Variants in PRKAA1 observed in about 807,000 individuals in gnomAD.
PRKAA1 encodes the protein 5'-AMP-activated protein kinase catalytic subunit alpha-1.
In PRKAA1, 23 loss-of-function variants were observed where a neutral mutation model predicts 56.9. That is an observed-to-expected ratio of 0.40 (90% CI 0.29 to 0.57). The LOEUF (loss-of-function observed/expected upper bound fraction) is 0.57, where lower values mean the gene tolerates loss of function less well. PRKAA1 is among the 20% of genes least tolerant of loss of function. The pLI is 0.39. For missense variants in PRKAA1, 413 were observed against 679.7 expected (o/e 0.61, Z 4.36); for synonymous variants, 226 against 227.0 (o/e 1.00, Z 0.04).
chr5:40,785,843 G>GAT (rs1226341843), intron 1 of PRKAA1, among the ~76,000 whole-genome samples: 33 of 15,190 alleles, frequency 2.2e-3, no homozygotes, highest in African/African-American at 5.7e-3. Context: ...CACACACAGA[G>GAT]AGAGAGAGAG....
At position 40,790,444 on chromosome 5, in the gene PRKAA1, CTA is replaced by C. The variant is rs145968411; in HGVS notation, c.127+7617_127+7618del. The stretch of plus-strand genomic sequence containing the variant: ...CAGGATAGGGCTTTTTGCTCCCAGC[CTA>C]TAGTGTTCCAGCTCGTGTGGTTTTC... On this transcript the variant is annotated intron_variant, in intron 1 of 8. Transcript: ENST00000397128. Among the ~76,000 whole-genome samples the C allele has an allele frequency of 6.5e-3, 985 of 151,802 alleles. 7 individuals carry two copies. Among genetic ancestry groups the C allele is most frequent in the African/African-American group, 0.021 (877 of 41,394 alleles).
chr5:40,763,258 G>T (rs545718370), intron 8 of PRKAA1, among the ~76,000 whole-genome samples: 2 of 152,138 alleles, frequency 1.3e-5, no homozygotes, highest in Non-Finnish European at 2.9e-5. Context: ...CTACTCATCA[G>T]TTGCAATCCA....
Position 40,786,347 on chromosome 5 carries a change from T to C in PRKAA1, c.128-8761A>G, listed in dbSNP as rs375568612. 6.4e-4 allele frequency among the ~76,000 whole-genome samples: 97 copies of C among 152,174 alleles called. 3 individuals carry two copies. The South Asian group carries it at 0.02, about 31-fold the overall frequency. On this transcript the variant is annotated intron_variant, in intron 1 of 8. Transcript: ENST00000397128. ...AAGAAACATGGCCCTGATGGCCCTT[T>C]GATTTCAAATTTCTCACCTCCAGTA...
rs540831038 is a variant in PRKAA1, at chr5:40,780,144, T to C, written c.128-2558A>G. ...TAGACTAGAGCGGTTGTGGTCTAAA[T>C]ATTTTGTAAGTATATGCTGACCATT... is the stretch of plus-strand genomic sequence containing the variant. On this transcript the variant is annotated intron_variant, in intron 1 of 8. Transcript: ENST00000397128. Among the ~76,000 whole-genome samples, 6 of 152,318 alleles carry C rather than the reference T, an allele frequency of 3.9e-5. No homozygotes were observed. In the East Asian group the frequency reaches 1.2e-3, roughly 29 times the overall value.
chr5:40,782,916 A>G (rs1022153509), intron 1 of PRKAA1, among the ~76,000 whole-genome samples: 38 of 152,200 alleles, frequency 2.5e-4, no homozygotes, highest in African/African-American at 8.7e-4. Flanking sequence ...TATACCATAA[A>G]ACTTTTTTCT....
chr5:40,787,984 A>C (rs1317058363), intron 1 of PRKAA1, among the ~76,000 whole-genome samples: 1 of 152,214 alleles, frequency 6.6e-6, no homozygotes, highest in Non-Finnish European at 1.5e-5. Context: ...TAGACTGAAA[A>C]TGAAGGGACT....
In PRKAA1 at chr5:40,761,012, TTAAGAA is replaced by T. The variant is rs1184321084; in HGVS notation, c.*1760_*1765del. 1.3e-5 allele frequency: 2 copies of T among 151,996 alleles called. No homozygotes were observed. Among genetic ancestry groups the T allele is most frequent in the African/African-American group, 2.4e-5 (1 of 41,210 alleles). 9.4% of individuals were successfully genotyped at this position (151,996 alleles called of 1,614,324 possible). On this transcript the variant is annotated 3_prime_UTR_variant, in exon 9 of 9. Coordinates refer to ENST00000397128, the MANE Select transcript of PRKAA1 (RefSeq NM_006251.6). ...CATTTACATCTATTGTGTGATGCAA[TTAAGAA>T]TGACAAAAAAAAATATCAGTGTAAA... is the stretch of plus-strand genomic sequence containing the variant.
intron 5 of PRKAA1, chr5:40,768,324 G>A (rs896840095): frequency 2.5e-5 from 15 of 606,234 alleles, no homozygotes; most frequent in Non-Finnish European, 2.9e-5. Flanking sequence ...CCAAGAGCTT[G>A]AAGAAAGACT....
chr5:40,764,403 C>T, intron 8 of PRKAA1, 111 bp downstream of exon 8: 1 of 1,023,150 alleles, frequency 9.8e-7, no homozygotes, highest in Non-Finnish European at 1.4e-6. Flanking sequence ...TTTTTTATTC[C>T]TTTGCAGTTG....
At chr5:40,795,122 G>T (rs1283156081) in intron 1 of PRKAA1, among the ~76,000 whole-genome samples, 1 of 152,070 alleles carries the variant, frequency 6.6e-6, no homozygotes, top group Non-Finnish European at 1.5e-5. Flanking sequence ...TATTCTAAGT[G>T]AAGTAACTCA....
chr5:40,767,365 A>C (rs1743509878), intron 6 of PRKAA1, 101 bp downstream of exon 6: 3 of 921,378 alleles, frequency 3.3e-6, no homozygotes, highest in Non-Finnish European at 4.9e-6. Flanking sequence ...TCACATAAAA[A>C]CAGGATTACA....
At chr5:40,794,323 C>A (rs995203334) in intron 1 of PRKAA1, among the ~76,000 whole-genome samples, 5 of 152,140 alleles carry the variant, frequency 3.3e-5, no homozygotes, top group African/African-American at 1.2e-4. Context: ...CCTTAGCCCA[C>A]TTTTTGATGG....
At chr5:40,771,094 A>G (rs1316366675) in intron 4 of PRKAA1, among the ~76,000 whole-genome samples, 1 of 152,074 alleles carries the variant, frequency 6.6e-6, no homozygotes, top group Non-Finnish European at 1.5e-5. Flanking sequence ...TCTTCTCCAT[A>G]CTTGATTCTT....
chr5:40,788,056 G>C (rs1484410239), intron 1 of PRKAA1, among the ~76,000 whole-genome samples: 1 of 152,164 alleles, frequency 6.6e-6, no homozygotes, highest in East Asian at 1.9e-4. Flanking sequence ...ATTTATTTCA[G>C]ACAAAATAGA....
chr5:40,765,295 G>A, intron 6 of PRKAA1, 57 bp from the exon 7 acceptor site: 4 of 1,499,614 alleles, frequency 2.7e-6, no homozygotes, highest in Non-Finnish European at 3.6e-6. Context: ...GAGACTGAAA[G>A]TAACAGTTTA....
chr5:40,792,869 C>G (rs1744772511), intron 1 of PRKAA1, among the ~76,000 whole-genome samples: 1 of 151,764 alleles, frequency 6.6e-6, no homozygotes, highest in Non-Finnish European at 1.5e-5. Context: ...TCGAGACTAA[C>G]CTGGCCGACG....
chr5:40,794,047 A>G (rs1042348208), intron 1 of PRKAA1, among the ~76,000 whole-genome samples: 4 of 151,806 alleles, frequency 2.6e-5, no homozygotes, highest in Non-Finnish European at 4.4e-5. Flanking sequence ...GGTTGCAATG[A>G]GCTGAGATTG....
In PRKAA1 at chr5:40,778,073, TCAAA is replaced by T. The variant is rs538652323; in HGVS notation, c.128-491_128-488del. Among the ~76,000 whole-genome samples the T allele has an allele frequency of 4.7e-3, 710 of 151,284 alleles. 3 individuals carry two copies. Among genetic ancestry groups the T allele is most frequent in the African/African-American group, 0.015 (635 of 41,154 alleles). Reference sequence around the variant, plus strand: ...TGGGCAACAAGAGCAAAACTCTGTCTCAAACAAACAAACAAATACAAAAATTAGC... The same window carrying T: ...TGGGCAACAAGAGCAAAACTCTGTCTCAAACAAACAAATACAAAAATTAGC... On this transcript the variant is annotated intron_variant, in intron 1 of 8. Coordinates refer to ENST00000397128, the MANE Select transcript of PRKAA1 (RefSeq NM_006251.6).
intron 1 of PRKAA1, among the ~76,000 whole-genome samples, chr5:40,795,221 A>G (rs1177036853): frequency 6.6e-6 from 1 of 152,096 alleles, no homozygotes; most frequent in Non-Finnish European, 1.5e-5. Flanking sequence ...GATACAGTGG[A>G]CTATGGGGAC....
Sources: allele counts gnomAD v4.1 joint callset (sites outside exome capture counted in the v4.1 genomes callset), GRCh38; gene constraint gnomAD v4.1.1; transcripts MANE v1.5; gene names NCBI Gene and HGNC (gene_info 2026-07-23, HGNC 2026-07-21).